ARHGEF10: variants seen among roughly 807,000 people sequenced by gnomAD.
The protein encoded by ARHGEF10 is Rho guanine nucleotide exchange factor 10.
Under a neutral mutation model 147.4 loss-of-function variants are expected in ARHGEF10, and 140 were observed. The ratio of observed to expected loss-of-function variants is 0.95; its 90% CI spans 0.83 to 1.09. ARHGEF10 has a LOEUF of 1.09. Among genes scored for constraint, ARHGEF10 ranks in the 50% least tolerant of loss-of-function variants. ARHGEF10 has a pLI of 0.00. For missense variants in ARHGEF10, 2,222 were observed against 1,752.7 expected (o/e 1.27, Z -4.78); for synonymous variants, 902 against 695.8 (o/e 1.30, Z -4.67).
intron 3 of ARHGEF10, 138 bp from the exon 4 acceptor site, chr8:1,859,759 A>C (rs1457322840): frequency 9.5e-7 from 1 of 1,051,616 alleles, no homozygotes. Context: ...AGGCCACCTG[A>C]TGACCTGGGA....
chr8:1,954,975 C>T (rs535830831), intron 28 of ARHGEF10, among the ~76,000 whole-genome samples: 121 of 148,302 alleles, frequency 8.2e-4, no homozygotes, highest in Non-Finnish European at 1.5e-3. Flanking sequence ...AAAGGAGGTG[C>T]ACTCTCACTG....
chr8:1,889,817 G>A (rs1809281695), intron 11 of ARHGEF10, among the ~76,000 whole-genome samples: 2 of 138,720 alleles, frequency 1.4e-5, no homozygotes, highest in African/African-American at 5.8e-5. Context: ...ATGGGAGGAG[G>A]GTTTGTGAGA....
chr8:1,886,005 C>A (rs553461954), intron 11 of ARHGEF10, among the ~76,000 whole-genome samples: 1 of 152,142 alleles, frequency 6.6e-6, no homozygotes, highest in Non-Finnish European at 1.5e-5. Context: ...AACTTGCATT[C>A]TTCGTGGGAG....
chr8:1,889,179 AGGAGAGC>A, intron 11 of ARHGEF10, among the ~76,000 whole-genome samples: 1 of 76,412 alleles, frequency 1.3e-5, no homozygotes, highest in Admixed American at 1.2e-4. Context: ...GGGGGTTGTG[AGGAGAGC>A]GTGGGGTGAG....
At chr8:1,830,607 T>C (rs1803037688) in intron 1 of ARHGEF10, among the ~76,000 whole-genome samples, 1 of 152,208 alleles carries the variant, frequency 6.6e-6, no homozygotes, top group Non-Finnish European at 1.5e-5. Flanking sequence ...CGCTGCGTGC[T>C]AAGTACTAAG....
intron 26 of ARHGEF10, among the ~76,000 whole-genome samples, chr8:1,936,664 C>G (rs1353756069): frequency 6.6e-6 from 1 of 152,212 alleles, no homozygotes; most frequent in African/African-American, 2.4e-5. Context: ...TTAAGAGCTT[C>G]TAAAAATACT....
chr8:1,949,184 T>C (rs986342455), intron 27 of ARHGEF10, among the ~76,000 whole-genome samples: 3 of 152,180 alleles, frequency 2.0e-5, no homozygotes, highest in African/African-American at 7.2e-5. Flanking sequence ...TTTGTGTAAG[T>C]TCACACAACG....
chr8:1,858,998 T>C (rs1333893266), intron 3 of ARHGEF10, among the ~76,000 whole-genome samples: 5 of 152,024 alleles, frequency 3.3e-5, no homozygotes, highest in Non-Finnish European at 5.9e-5. Context: ...CATGGTTTCT[T>C]TGTGCGTAGC....
chr8:1,859,854 C>G, intron 3 of ARHGEF10, 43 bp from the exon 4 acceptor site: 3 of 1,612,242 alleles, frequency 1.9e-6, no homozygotes, highest in Non-Finnish European at 2.5e-6. Context: ...CCTGCCATGC[C>G]CTTGGTGATG....
intron 13 of ARHGEF10, among the ~76,000 whole-genome samples, chr8:1,894,939 C>A (rs902822703): frequency 6.6e-6 from 1 of 152,162 alleles, no homozygotes; most frequent in African/African-American, 2.4e-5. Context: ...CGTTTTTAAG[C>A]CCTCACACAG....
chr8:1,898,352 G>T, intron 14 of ARHGEF10, 81 bp from the exon 15 acceptor site: 1 of 1,221,800 alleles, frequency 8.2e-7, no homozygotes, highest in Non-Finnish European at 1.2e-6. Context: ...AGTGTTCAGT[G>T]TGGTGGGGAG....
intron 1 of ARHGEF10, among the ~76,000 whole-genome samples, chr8:1,841,014 C>G (rs1803988884): frequency 1.3e-5 from 2 of 152,210 alleles, no homozygotes; most frequent in Admixed American, 1.3e-4. Context: ...GATGACCTCA[C>G]TTGCCCCCTC....
At chr8:1,917,404 G>T (rs1191417177) in intron 18 of ARHGEF10, among the ~76,000 whole-genome samples, 1 of 152,220 alleles carries the variant, frequency 6.6e-6, no homozygotes, top group African/African-American at 2.4e-5. Context: ...GAGGCTTTAA[G>T]ATGCTGTGAG....
chr8:1,858,911 G>A (rs900561315), intron 3 of ARHGEF10: 11 of 93,032 alleles, frequency 1.2e-4, no homozygotes, highest in South Asian at 8.5e-4. Flanking sequence ...TTTGCATGCC[G>A]TTTCTTTGTG....
chr8:1,894,300 T>G (rs1809790003), intron 12 of ARHGEF10, 93 bp from the exon 13 acceptor site: 3 of 1,350,562 alleles, frequency 2.2e-6, no homozygotes, highest in Non-Finnish European at 3.1e-6. Flanking sequence ...CAGTGAGCCA[T>G]GATCGCACCA....
intron 17 of ARHGEF10, 64 bp downstream of exon 17, chr8:1,905,780 C>A: frequency 6.3e-7 from 1 of 1,590,614 alleles, no homozygotes; most frequent in Non-Finnish European, 8.6e-7. Flanking sequence ...CCTAAGGGCA[C>A]ATGCATGACT....
In ARHGEF10 at chr8:1,876,749, C is replaced by T. The variant is rs142691367; in HGVS notation, c.843+15C>T. 2,196 of 1,613,918 alleles carry T rather than the reference C, an allele frequency of 1.4e-3. 19 individuals are homozygous for T. In the Middle Eastern group the frequency reaches 0.015, roughly 11 times the overall value. ...ACAAAAAGCAAGTACGTGTTCCCTG[C>T]ACATGTGAGGGATGGTTCTCTCGCG... is the stretch of plus-strand genomic sequence containing the variant. On this transcript the variant is annotated intron_variant, in intron 8 of 28. Transcript: ENST00000349830.
chr8:1,903,045 C>G (rs1810597436), intron 15 of ARHGEF10, among the ~76,000 whole-genome samples: 1 of 152,144 alleles, frequency 6.6e-6, no homozygotes, highest in South Asian at 2.1e-4. Flanking sequence ...TTTAGCGTGT[C>G]CTTTATTGTA....
chr8:1,888,863 C>G (rs1321369139), intron 11 of ARHGEF10, among the ~76,000 whole-genome samples: 6 of 34,372 alleles, frequency 1.7e-4, no homozygotes, highest in African/African-American at 4.5e-4. Context: ...TGAGGAGACA[C>G]TGAGTGGGGT....
Sources: allele counts gnomAD v4.1 joint callset (sites outside exome capture counted in the v4.1 genomes callset), GRCh38; gene constraint gnomAD v4.1.1; transcripts MANE v1.5; gene names NCBI Gene and HGNC (gene_info 2026-07-23, HGNC 2026-07-21).